Variants in DOCK1 observed in about 807,000 individuals in gnomAD.
DOCK1 encodes dedicator of cytokinesis protein 1.
Under a neutral mutation model 262.7 loss-of-function variants are expected in DOCK1, and 138 were observed. The observed-to-expected ratio is 0.53, with a 90% CI of 0.46 to 0.61. The LOEUF (loss-of-function observed/expected upper bound fraction) is 0.61. DOCK1 is among the 20% of genes least tolerant of loss of function. DOCK1 has a pLI of 0.00. For synonymous variants in DOCK1, 866 were observed against 867.4 expected, an observed-to-expected ratio of 1.00 and a Z score of 0.03; for missense variants, 1,908 against 2,370.7, an observed-to-expected ratio of 0.80 and a Z score of 4.05.
chr10:127,116,710 G>A (rs2049205138), intron 25 of DOCK1, among the ~76,000 whole-genome samples: 1 of 152,112 alleles, frequency 6.6e-6, no homozygotes, highest in South Asian at 2.1e-4. Context: ...TATATCGAAA[G>A]GGATCTTAAA....
In DOCK1 at chr10:126,995,165, G is replaced by A. The variant is rs2040086669; in HGVS notation, c.474-1583G>A. 6.6e-6 allele frequency among the ~76,000 whole-genome samples: 1 copy of A among 150,412 alleles called. No homozygotes were observed. Among genetic ancestry groups the A allele is most frequent in the Admixed American group, 6.6e-5 (1 of 15,094 alleles). ...GCTCCTCACTTCTAGACGGGATGACGGCCGGGAAGAGGCGCTCCTCACTTC... is the reference window on the plus strand; with the variant it reads ...GCTCCTCACTTCTAGACGGGATGACAGCCGGGAAGAGGCGCTCCTCACTTC... On this transcript the variant is annotated intron_variant, in intron 6 of 51. Coordinates refer to ENST00000623213, the MANE Select transcript of DOCK1 (RefSeq NM_001290223.2). This position sits in a 1 kb window ranked among gnomAD's most constrained non-coding sequence, Gnocchi z 5.8.
intron 29 of DOCK1, among the ~76,000 whole-genome samples, chr10:127,280,136 G>GC (rs914279687): frequency 3.3e-5 from 5 of 149,662 alleles, no homozygotes; most frequent in Non-Finnish European, 5.9e-5. Flanking sequence ...CCGGGTTCAC[G>GC]CCATTCTCCT....
At chr10:127,427,472 C>T (rs1369940401) in intron 47 of DOCK1, among the ~76,000 whole-genome samples, 2 of 152,304 alleles carry the variant, frequency 1.3e-5, no homozygotes, top group Non-Finnish European at 2.9e-5. Context: ...TTCCTAAGTG[C>T]TGTATAGATA....
chr10:127,055,504 G>A (rs1278317183), intron 22 of DOCK1, among the ~76,000 whole-genome samples: 1 of 152,214 alleles, frequency 6.6e-6, no homozygotes, highest in Non-Finnish European at 1.5e-5. Context: ...AGCTGGAAAG[G>A]ATTTTTAGAT....
At chr10:126,960,967 G>A (rs2037171721) in intron 1 of DOCK1, among the ~76,000 whole-genome samples, 1 of 151,402 alleles carries the variant, frequency 6.6e-6, no homozygotes, top group Admixed American at 6.6e-5. Flanking sequence ...GTCTTTTACT[G>A]TGTCTATCAG....
At chr10:126,906,664 G>T (rs1352110111) in intron 1 of DOCK1, among the ~76,000 whole-genome samples, 1 of 152,228 alleles carries the variant, frequency 6.6e-6, no homozygotes, top group Admixed American at 6.5e-5. Flanking sequence ...CCCATTCTGT[G>T]CCTGGCCCGT....
At chr10:127,359,143 C>CAAA (rs60352979) in intron 32 of DOCK1, among the ~76,000 whole-genome samples, 3 of 142,596 alleles carry the variant, frequency 2.1e-5, no homozygotes, top group Admixed American at 7.1e-5. Context: ...ATGCAAATGT[C>CAAA]AAAAAAAAAA....
At chr10:127,060,900 G>A (rs1591847946) in intron 22 of DOCK1, among the ~76,000 whole-genome samples, 1 of 152,296 alleles carries the variant, frequency 6.6e-6, no homozygotes, top group Admixed American at 6.5e-5. Flanking sequence ...AATGGAGTGT[G>A]TTGTTGATTT....
At chr10:127,045,374 G>C (rs1449320367) in intron 21 of DOCK1, among the ~76,000 whole-genome samples, 1 of 152,134 alleles carries the variant, frequency 6.6e-6, no homozygotes, top group African/African-American at 2.4e-5. Context: ...AATTCCAAAG[G>C]AGTCAGTGGC....
chr10:127,309,683 T>C (rs972909847), intron 29 of DOCK1, among the ~76,000 whole-genome samples: 6 of 152,182 alleles, frequency 3.9e-5, no homozygotes, highest in Non-Finnish European at 1.5e-5. Flanking sequence ...TCAGCACCAT[T>C]TATTAAATAG....
chr10:127,369,116 A>G (rs888325452), intron 33 of DOCK1, among the ~76,000 whole-genome samples: 1 of 152,090 alleles, frequency 6.6e-6, no homozygotes, highest in Non-Finnish European at 1.5e-5. Flanking sequence ...TAATCTCTTC[A>G]CACTGCCCAT....
At chr10:127,207,437 T>G (rs1389261564) in intron 27 of DOCK1, among the ~76,000 whole-genome samples, 1 of 152,022 alleles carries the variant, frequency 6.6e-6, no homozygotes, top group Non-Finnish European at 1.5e-5. Context: ...GATAGGCATA[T>G]TTTGGCCTTG....
intron 24 of DOCK1, among the ~76,000 whole-genome samples, chr10:127,107,945 A>C (rs1057308746): frequency 2.0e-5 from 3 of 152,136 alleles, no homozygotes; most frequent in African/African-American, 7.2e-5. Context: ...CACTGTACGC[A>C]CAAATTAGCC....
chr10:127,000,832 T>G (rs2040539176), intron 10 of DOCK1: 1 of 149,804 alleles, frequency 6.7e-6, no homozygotes, highest in Admixed American at 6.7e-5. Flanking sequence ...GCCATGTTGG[T>G]GCTCTTTCTC....
chr10:127,110,567 G>A (rs1429647772), intron 25 of DOCK1, among the ~76,000 whole-genome samples: 1 of 152,176 alleles, frequency 6.6e-6, no homozygotes, highest in African/African-American at 2.4e-5. Context: ...GCAAAAGCTC[G>A]TAGTTTGTAA....
At chr10:127,096,005 G>C (rs1337064434) in intron 23 of DOCK1, among the ~76,000 whole-genome samples, 1 of 152,174 alleles carries the variant, frequency 6.6e-6, no homozygotes, top group Non-Finnish European at 1.5e-5. Flanking sequence ...GATGGGGAAT[G>C]CTATCTGAAA....
chr10:127,123,882 C>G (rs184641886), intron 25 of DOCK1, among the ~76,000 whole-genome samples: 25 of 152,346 alleles, frequency 1.6e-4, no homozygotes, highest in Admixed American at 1.4e-3. Flanking sequence ...GCACGTCATA[C>G]ATTTCTTCTG....
intron 23 of DOCK1, among the ~76,000 whole-genome samples, chr10:127,066,360 T>C (rs2045873503): frequency 6.6e-6 from 1 of 152,150 alleles, no homozygotes; most frequent in Admixed American, 6.5e-5. Context: ...GGCAGAAAAG[T>C]CTTGGAACCG....
intron 27 of DOCK1, among the ~76,000 whole-genome samples, chr10:127,170,224 T>G (rs891747667): frequency 6.6e-6 from 1 of 152,180 alleles, no homozygotes; most frequent in Non-Finnish European, 1.5e-5. Context: ...TTTTCTGTTT[T>G]TAATCATACT....
Sources: allele counts gnomAD v4.1 joint callset (sites outside exome capture counted in the v4.1 genomes callset), GRCh38; gene constraint gnomAD v4.1.1; non-coding constraint Gnocchi (gnomAD v3.1); transcripts MANE v1.5; gene names NCBI Gene and HGNC (gene_info 2026-07-23, HGNC 2026-07-21).